Variants in CAMK1D observed in about 807,000 individuals in gnomAD.
The protein encoded by CAMK1D is calcium/calmodulin dependent protein kinase ID.
Under a neutral mutation model 47.7 loss-of-function variants are expected in CAMK1D, and 9 were observed. The observed-to-expected ratio is 0.19, with a 90% confidence interval of 0.11 to 0.33. The LOEUF is 0.33. Among genes scored for constraint, CAMK1D ranks in the 10% least tolerant of loss-of-function variants. The pLI, the probability that CAMK1D is intolerant of heterozygous loss-of-function variation, is 1.00. For missense variants in CAMK1D, 291 were observed against 488.7 expected, an observed-to-expected ratio of 0.60 and a Z score of 3.81; for synonymous variants, 184 against 184.9, an observed-to-expected ratio of 0.99 and a Z score of 0.04.
chr10:12,731,693 C>T (rs994279552), intron 3 of CAMK1D, among the ~76,000 whole-genome samples: 1 of 152,042 alleles, frequency 6.6e-6, no homozygotes, highest in Admixed American at 6.5e-5. Flanking sequence ...GAGAGAGCAT[C>T]GAGTTGGCAG....
chr10:12,649,498 G>A (rs970938574), intron 2 of CAMK1D, among the ~76,000 whole-genome samples: 2 of 152,194 alleles, frequency 1.3e-5, no homozygotes, highest in Non-Finnish European at 2.9e-5. Context: ...TGTTAAAGAG[G>A]AGAAAATCTT....
chr10:12,615,198 C>T (rs1468033306), intron 2 of CAMK1D, among the ~76,000 whole-genome samples: 1 of 152,170 alleles, frequency 6.6e-6, no homozygotes, highest in Non-Finnish European at 1.5e-5. Context: ...CCTCCTGGGC[C>T]ACCCCTAGGA....
intron 5 of CAMK1D, among the ~76,000 whole-genome samples, chr10:12,786,017 G>T (rs1262553257): frequency 6.6e-6 from 1 of 152,134 alleles, no homozygotes; most frequent in Non-Finnish European, 1.5e-5. Flanking sequence ...GCCTGAGAAT[G>T]TTATATTTTC....
intron 1 of CAMK1D, among the ~76,000 whole-genome samples, chr10:12,548,947 C>T (rs1041186072): frequency 1.3e-5 from 2 of 152,326 alleles, no homozygotes; most frequent in East Asian, 1.9e-4. Flanking sequence ...CCTCCGCCTC[C>T]TGGGCTCAAA....
rs571939010 is a variant in CAMK1D at position 12,529,002 on chromosome 10, C to G, written c.93-24223C>G. Among the ~76,000 whole-genome samples, 11 of 151,822 alleles carry G rather than the reference C, an allele frequency of 7.2e-5. No individual in the cohort carries two copies. The South Asian group carries it at 2.3e-3, about 32-fold the overall frequency. ...ATAGTGTCTCACCTTGTTGCCCAGGCTGGTCTTGAACTCCTGGACTTGATA... is the reference window on the plus strand; with the variant it reads ...ATAGTGTCTCACCTTGTTGCCCAGGGTGGTCTTGAACTCCTGGACTTGATA... On this transcript the variant is annotated intron_variant, in intron 1 of 10. Transcript: ENST00000619168.
At chr10:12,815,147 A>G (rs184603329) in intron 7 of CAMK1D, among the ~76,000 whole-genome samples, 2 of 152,364 alleles carry the variant, frequency 1.3e-5, no homozygotes, top group Admixed American at 6.5e-5. Flanking sequence ...AGTAAGGGGC[A>G]GAGCCGGCAT....
chr10:12,481,902 A>G (rs888413068), intron 1 of CAMK1D, among the ~76,000 whole-genome samples: 1 of 152,224 alleles, frequency 6.6e-6, no homozygotes, highest in South Asian at 2.1e-4. Context: ...CAAGCAGCCC[A>G]GGGAGCTCGG....
intron 1 of CAMK1D, among the ~76,000 whole-genome samples, chr10:12,452,984 C>T (rs1341071765): frequency 6.6e-6 from 1 of 152,070 alleles, no homozygotes; most frequent in African/African-American, 2.4e-5. Context: ...GAAACTCTGC[C>T]CTCATTCAAC....
At chr10:12,477,157 T>G (rs1833927229) in intron 1 of CAMK1D, among the ~76,000 whole-genome samples, 2 of 152,138 alleles carry the variant, frequency 1.3e-5, no homozygotes, top group Admixed American at 1.3e-4. Context: ...GGCTCACACC[T>G]GTAATCCCAG....
At chr10:12,410,927 G>A (rs930262226) in intron 1 of CAMK1D, among the ~76,000 whole-genome samples, 2 of 152,184 alleles carry the variant, frequency 1.3e-5, no homozygotes, top group Non-Finnish European at 2.9e-5. Flanking sequence ...ATTGCCAAAG[G>A]CGGCAGAGGA....
intron 2 of CAMK1D, among the ~76,000 whole-genome samples, chr10:12,594,527 GAA>G (rs1838088065): frequency 6.6e-6 from 1 of 152,236 alleles, no homozygotes; most frequent in Non-Finnish European, 1.5e-5. Context: ...GAGTCAGACA[GAA>G]TGTGGAACCA....
At chr10:12,658,214 C>T (rs1184679767) in intron 2 of CAMK1D, among the ~76,000 whole-genome samples, 1 of 152,126 alleles carries the variant, frequency 6.6e-6, no homozygotes, top group East Asian at 1.9e-4. Flanking sequence ...TGAGAAACAG[C>T]AAAGGGTTCT....
intron 1 of CAMK1D, among the ~76,000 whole-genome samples, chr10:12,427,700 G>GTTTTTTTTGTTTTTTTTTTTTTTGTTT (rs1840285327): frequency 3.2e-5 from 1 of 31,030 alleles, no homozygotes; most frequent in African/African-American, 1.1e-4. Context: ...TGAACTTACT[G>GTTTTTTTTGTTTTTTTTTTTTTTGTTT]TTTTTTTTTT....
At chr10:12,638,337 G>A (rs1157261370) in intron 2 of CAMK1D, among the ~76,000 whole-genome samples, 21 of 152,084 alleles carry the variant, frequency 1.4e-4, no homozygotes, top group Admixed American at 1.2e-3. Flanking sequence ...GTTCTTTACT[G>A]TATCCCTCCA....
intron 3 of CAMK1D, among the ~76,000 whole-genome samples, chr10:12,697,419 G>C (rs1337785466): frequency 2.6e-5 from 4 of 152,138 alleles, no homozygotes; most frequent in Non-Finnish European, 4.4e-5. Context: ...TTCCTTTGGT[G>C]ATGGAGTCTC....
intron 3 of CAMK1D, among the ~76,000 whole-genome samples, chr10:12,749,890 G>A (rs915175371): frequency 3.3e-5 from 5 of 152,078 alleles, no homozygotes; most frequent in Non-Finnish European, 5.9e-5. Context: ...CACTGTGTCC[G>A]GCCAGAAAGT....
intron 1 of CAMK1D, among the ~76,000 whole-genome samples, chr10:12,362,966 G>T (rs1200264604): frequency 2.4e-5 from 3 of 122,564 alleles, no homozygotes; most frequent in Non-Finnish European, 5.2e-5. Flanking sequence ...TTTGAGATAG[G>T]GTCTCACTCT....
chr10:12,612,959 A>G (rs1389292023), intron 2 of CAMK1D, among the ~76,000 whole-genome samples: 1 of 152,182 alleles, frequency 6.6e-6, no homozygotes, highest in African/African-American at 2.4e-5. Context: ...ATGATTGTTA[A>G]TAGAATGAGT....
chr10:12,578,974 C>T (rs924400734), intron 2 of CAMK1D, among the ~76,000 whole-genome samples: 1 of 152,162 alleles, frequency 6.6e-6, no homozygotes, highest in East Asian at 1.9e-4. Context: ...AGTGGGTGCC[C>T]AGAGGCACGA....
Sources: gnomAD v4.1 joint callset for allele counts (sites outside exome capture counted in the v4.1 genomes callset) on GRCh38, gnomAD v4.1.1 for gene constraint, MANE v1.5 for transcripts, NCBI Gene and HGNC (gene_info 2026-07-23, HGNC 2026-07-21) for gene names.